The following TTC23L variants were observed in gnomAD, a reference collection of about 807,000 sequenced individuals.
The protein encoded by TTC23L is tetratricopeptide repeat protein 23-like.
TTC23L carries 42 observed loss-of-function variants against 48.1 expected under a neutral mutation model. The observed-to-expected ratio is 0.87, with a 90% CI of 0.68 to 1.13. The LOEUF (loss-of-function observed/expected upper bound fraction) is 1.13. Among genes scored for constraint, TTC23L ranks in the 50% most tolerant of loss-of-function variants. The pLI, the probability that TTC23L is intolerant of heterozygous loss-of-function variation, is 0.00. For synonymous variants in TTC23L, 159 were observed against 157.2 expected (o/e 1.01, Z -0.09); for missense variants, 391 against 421.0 (o/e 0.93, Z 0.62).
chr5:34,847,332 T>C (rs1262418133), intron 3 of TTC23L, among the ~76,000 whole-genome samples: 1 of 152,130 alleles, frequency 6.6e-6, no homozygotes, highest in Non-Finnish European at 1.5e-5. Flanking sequence ...AGTGGGGGTT[T>C]TCAAGGCTTA....
chr5:34,918,701 T>C, the TTC23L span: 1 of 389,514 alleles, frequency 2.6e-6, no homozygotes, highest in Non-Finnish European at 4.6e-6. Flanking sequence ...CCTAATATTA[T>C]TGAAACATTT....
intron 5 of TTC23L, 50 bp from the exon 6 acceptor site, chr5:34,864,387 G>A (rs1344231715): frequency 6.2e-7 from 1 of 1,605,630 alleles, no homozygotes; most frequent in South Asian, 1.1e-5. Flanking sequence ...TGCTGTCCCT[G>A]TGCAGTGGAT....
intron 9 of TTC23L, among the ~76,000 whole-genome samples, chr5:34,882,811 A>G (rs1762316911): frequency 6.6e-6 from 1 of 152,190 alleles, no homozygotes. Flanking sequence ...AGGCCGAGGC[A>G]GGAGGATTGC....
intron 9 of TTC23L, among the ~76,000 whole-genome samples, chr5:34,887,288 G>C (rs1184586103): frequency 1.3e-5 from 2 of 152,176 alleles, no homozygotes; most frequent in Non-Finnish European, 2.9e-5. Context: ...ACACGCGGAT[G>C]ACATCTGGGT....
downstream of TTC23L, chr5:34,902,391 G>A (rs1377209967): frequency 5.1e-6 from 2 of 391,216 alleles, no homozygotes; most frequent in Non-Finnish European, 1.0e-5. Context: ...AGTCCAGACT[G>A]GGTGACAAGA....
intron 4 of TTC23L, among the ~76,000 whole-genome samples, chr5:34,858,334 T>C (rs1469767962): frequency 6.6e-6 from 1 of 152,228 alleles, no homozygotes; most frequent in African/African-American, 2.4e-5. Context: ...TACTTAGACT[T>C]AGTAAATGTA....
intron 5 of TTC23L, among the ~76,000 whole-genome samples, chr5:34,864,157 T>A (rs1247332578): frequency 6.6e-6 from 1 of 152,148 alleles, no homozygotes; most frequent in African/African-American, 2.4e-5. Context: ...CTAAAGGAAA[T>A]CGAGTGTAAT....
At chr5:34,923,194 T>A in the TTC23L span, 1 of 1,614,184 alleles carries the variant, frequency 6.2e-7, no homozygotes, top group South Asian at 1.1e-5. Context: ...GTGTTTACTT[T>A]CACCATTTTG....
intron 4 of TTC23L, among the ~76,000 whole-genome samples, chr5:34,853,746 G>A (rs1366783780): frequency 6.6e-6 from 1 of 152,178 alleles, no homozygotes; most frequent in Non-Finnish European, 1.5e-5. Context: ...GGTAATGGCT[G>A]AGGAGAGACC....
chr5:34,896,873 A>G, exon 10 of TTC23L: 1 of 719,558 alleles, frequency 1.4e-6, no homozygotes. Flanking sequence ...GTATGGAGGA[A>G]TGGTAAGTAC....
intron 3 of TTC23L, among the ~76,000 whole-genome samples, chr5:34,846,654 CAT>C (rs200846206): frequency 0.012 from 1,070 of 89,376 alleles, 23 homozygotes; most frequent in African/African-American, 0.037. Flanking sequence ...TATACAAATA[CAT>C]ATATGTGTGT....
the TTC23L span, chr5:34,923,087 A>G: frequency 1.7e-5 from 27 of 1,561,308 alleles, no homozygotes; most frequent in African/African-American, 3.4e-4. Flanking sequence ...CAAAATATAC[A>G]TGATATATCT....
intron 8 of TTC23L, among the ~76,000 whole-genome samples, chr5:34,879,127 T>C (rs1314265050): frequency 6.6e-6 from 1 of 152,182 alleles, no homozygotes; most frequent in African/African-American, 2.4e-5. Context: ...CACTCATAAA[T>C]GGGTGCTAAC....
At chr5:34,922,850 TTTA>T in the TTC23L span, 2 of 1,385,310 alleles carry the variant, frequency 1.4e-6, no homozygotes, top group South Asian at 2.4e-5. Flanking sequence ...TGTTATTCAA[TTTA>T]GTTTCACCCC....
intron 1 of TTC23L, among the ~76,000 whole-genome samples, chr5:34,840,029 C>T (rs1303495857): frequency 1.3e-5 from 2 of 152,182 alleles, no homozygotes; most frequent in East Asian, 1.9e-4. Context: ...GTAGCTGGAA[C>T]TACAGGCGTG....
chr5:34,897,470 GTTT>G (rs1200525781), intron 10 of TTC23L, among the ~76,000 whole-genome samples: 2 of 151,738 alleles, frequency 1.3e-5, no homozygotes, highest in Non-Finnish European at 2.9e-5. Flanking sequence ...AACAAATCAG[GTTT>G]TTAACATTTT....
chr5:34,909,237 A>G, the TTC23L span: 1 of 1,504,062 alleles, frequency 6.6e-7, no homozygotes, highest in Admixed American at 1.8e-5. Context: ...ACCAATGACA[A>G]CCTCTATATT....
At chr5:34,868,278 C>G (rs1157254407) in intron 7 of TTC23L, 1 of 152,362 alleles carries the variant, frequency 6.6e-6, no homozygotes, top group Non-Finnish European at 1.5e-5. Flanking sequence ...GATAACCCCT[C>G]AGCTCTTTGA....
chr5:34,895,036 G>A (rs1305550437), intron 9 of TTC23L, among the ~76,000 whole-genome samples: 1 of 152,194 alleles, frequency 6.6e-6, no homozygotes, highest in African/African-American at 2.4e-5. Context: ...AGCATGAGCT[G>A]TATTTGTAGA....
Sources: gnomAD v4.1 joint callset for allele counts (sites outside exome capture counted in the v4.1 genomes callset) on GRCh38, gnomAD v4.1.1 for gene constraint, MANE v1.5 for transcripts, NCBI Gene and HGNC (gene_info 2026-07-23, HGNC 2026-07-21) for gene names.